MYRFL: variants seen among roughly 807,000 people sequenced by gnomAD.
MYRFL encodes the protein myelin regulatory factor like.
In MYRFL, 88 loss-of-function variants were observed where a neutral mutation model predicts 109.4. The observed-to-expected ratio is 0.80, with a 90% CI of 0.68 to 0.96. The LOEUF (loss-of-function observed/expected upper bound fraction) is 0.96, where lower values mean the gene tolerates loss of function less well. Among genes scored for constraint, MYRFL ranks in the 40% least tolerant of loss-of-function variants. The pLI is 0.00. For missense variants in MYRFL, 957 were observed against 954.9 expected, an observed-to-expected ratio of 1.00 and a Z score of -0.03; for synonymous variants, 324 against 320.9, an observed-to-expected ratio of 1.01 and a Z score of -0.10.
At chr12:69,827,699 C>T (rs1882371722) in intron 1 of MYRFL, among the ~76,000 whole-genome samples, 1 of 151,916 alleles carries the variant, frequency 6.6e-6, no homozygotes, top group South Asian at 2.1e-4. Context: ...ATGGTTCTAA[C>T]ATATAATGGA....
At chr12:69,952,042 A>G in intron 19 of MYRFL, 71 bp from the exon 20 acceptor site, 3 of 1,278,928 alleles carry the variant, frequency 2.3e-6, no homozygotes, top group East Asian at 2.5e-5. Context: ...GAGATGAACT[A>G]GGTCACACAT....
At chr12:69,892,790 A>G (rs1886992810) in intron 7 of MYRFL, among the ~76,000 whole-genome samples, 1 of 152,244 alleles carries the variant, frequency 6.6e-6, no homozygotes, top group South Asian at 2.1e-4. Flanking sequence ...AACATAATAG[A>G]AATGTATGAA....
chr12:69,940,116 G>A (rs1955597985), intron 19 of MYRFL, among the ~76,000 whole-genome samples: 1 of 151,800 alleles, frequency 6.6e-6, no homozygotes, highest in Admixed American at 6.6e-5. Context: ...GAACCAAGTT[G>A]GAAAACACTC....
chr12:69,948,450 C>T (rs1280439908), intron 19 of MYRFL, among the ~76,000 whole-genome samples: 2 of 152,202 alleles, frequency 1.3e-5, no homozygotes, highest in East Asian at 3.9e-4. Context: ...GTTCTGTTGC[C>T]AGAATTTATA....
In MYRFL at chr12:69,927,680, T is replaced by C; in HGVS notation, c.1767-5T>C. 1 of 1,531,540 alleles carries C rather than the reference T, an allele frequency of 6.5e-7. No individual in the cohort carries two copies. Among genetic ancestry groups the C allele is most frequent in the Non-Finnish European group, 8.7e-7 (1 of 1,145,946 alleles). The allele number at this position is 1,531,540 out of a possible 1,614,324, so 94.9% of individuals were successfully genotyped here. ...ATAGTAACCAATTTTCTCTCTCTTT[T>C]AAAGCAAATCTAGCAGAGCCGTTAG... On this transcript the variant is annotated splice_region_variant and splice_polypyrimidine_tract_variant and intron_variant, in intron 14 of 24. Transcript: ENST00000552032.
At chr12:69,922,793 T>C (rs796164584) in intron 13 of MYRFL, among the ~76,000 whole-genome samples, 2 of 152,340 alleles carry the variant, frequency 1.3e-5, no homozygotes, top group East Asian at 1.9e-4. Flanking sequence ...TGTGTATGTA[T>C]AAAACAAAGA....
intron 13 of MYRFL, among the ~76,000 whole-genome samples, chr12:69,916,091 A>G (rs1454292830): frequency 6.6e-6 from 1 of 151,792 alleles, no homozygotes; most frequent in Non-Finnish European, 1.5e-5. Flanking sequence ...CTTTTTACTC[A>G]TTGATTCTAT....
At chr12:69,920,840 A>G (rs770075901) in intron 13 of MYRFL, among the ~76,000 whole-genome samples, 3 of 152,216 alleles carry the variant, frequency 2.0e-5, no homozygotes, top group East Asian at 1.9e-4. Context: ...TCCATGTGCA[A>G]TACACTTGCC....
chr12:69,910,800 T>C (rs1168752900), intron 12 of MYRFL, 21 bp from the exon 13 acceptor site: 1 of 1,474,472 alleles, frequency 6.8e-7, no homozygotes, highest in East Asian at 2.5e-5. Context: ...AGATTAAACC[T>C]GTGGAGTGTT....
chr12:69,953,207 T>G (rs551911204), intron 21 of MYRFL, among the ~76,000 whole-genome samples: 3 of 152,318 alleles, frequency 2.0e-5, no homozygotes, highest in South Asian at 4.1e-4. Flanking sequence ...CAGTTAATTT[T>G]ATAGACAAGA....
chr12:69,835,785 C>T (rs970371682), intron 1 of MYRFL, among the ~76,000 whole-genome samples: 1 of 152,188 alleles, frequency 6.6e-6, no homozygotes, highest in African/African-American at 2.4e-5. Flanking sequence ...TTCTTCAGTG[C>T]CCTGCTGCTC....
intron 15 of MYRFL, 108 bp from the exon 16 acceptor site, chr12:69,932,405 C>A: frequency 1.5e-6 from 1 of 683,790 alleles, no homozygotes; most frequent in South Asian, 1.9e-5. Flanking sequence ...AGCACTCAAA[C>A]TATCCCAAGA....
chr12:69,835,530 A>C (rs902388204), intron 1 of MYRFL, among the ~76,000 whole-genome samples: 2 of 152,254 alleles, frequency 1.3e-5, no homozygotes, highest in Non-Finnish European at 2.9e-5. Flanking sequence ...GTATTAAAAC[A>C]GTGCAAAAGC....
chr12:69,931,833 A>G (rs957740800), intron 15 of MYRFL, among the ~76,000 whole-genome samples: 2 of 152,158 alleles, frequency 1.3e-5, no homozygotes, highest in Non-Finnish European at 2.9e-5. Flanking sequence ...TTTTATACCA[A>G]TATGTATCAG....
At chr12:69,930,439 A>G (rs898158) in intron 15 of MYRFL, among the ~76,000 whole-genome samples, 52,004 of 151,766 alleles carry the variant, frequency 0.34, 9,152 homozygotes, top group East Asian at 0.48. Flanking sequence ...CATTCTTGCT[A>G]TACGTAGGAC....
intron 13 of MYRFL, among the ~76,000 whole-genome samples, chr12:69,921,276 C>T (rs1385369748): frequency 6.6e-6 from 1 of 152,076 alleles, no homozygotes; most frequent in Non-Finnish European, 1.5e-5. Flanking sequence ...CTCCTAGCCT[C>T]AAGCAGTCCT....
At chr12:69,883,912 A>G (rs1173591145) in intron 5 of MYRFL, among the ~76,000 whole-genome samples, 1 of 152,006 alleles carries the variant, frequency 6.6e-6, no homozygotes, top group Non-Finnish European at 1.5e-5. Flanking sequence ...AGCATACAAG[A>G]GTATATATTA....
chr12:69,951,250 T>G (rs1292051774), intron 19 of MYRFL, among the ~76,000 whole-genome samples: 1 of 152,082 alleles, frequency 6.6e-6, no homozygotes. Context: ...CCACAGATAA[T>G]TATTTTCTCA....
chr12:69,916,923 A>AACTC (rs1954748718), intron 13 of MYRFL, among the ~76,000 whole-genome samples: 1 of 152,198 alleles, frequency 6.6e-6, no homozygotes, highest in African/African-American at 2.4e-5. Context: ...TTGCACTGAA[A>AACTC]ACTCCTACAT....
Sources: gnomAD v4.1 joint callset for allele counts (sites outside exome capture counted in the v4.1 genomes callset) on GRCh38, gnomAD v4.1.1 for gene constraint, MANE v1.5 for transcripts, NCBI Gene and HGNC (gene_info 2026-07-23, HGNC 2026-07-21) for gene names.